MYLK4: variants seen among roughly 807,000 people sequenced by gnomAD.
The protein encoded by MYLK4 is myosin light chain kinase family member 4.
Under a neutral mutation model 48.1 loss-of-function variants are expected in MYLK4, and 46 were observed. The observed-to-expected ratio is 0.96, with a 90% CI of 0.75 to 1.22. The LOEUF (loss-of-function observed/expected upper bound fraction) is 1.22, where lower values mean the gene tolerates loss of function less well. Ranked by LOEUF, MYLK4 falls within the 50% of genes most tolerant of loss-of-function variation. MYLK4 has a pLI of 0.00. For synonymous variants in MYLK4, 170 were observed against 180.8 expected (o/e 0.94, Z 0.48); for missense variants, 451 against 486.1 (o/e 0.93, Z 0.68).
the MYLK4 span, among the ~76,000 whole-genome samples, chr6:2,759,724 A>G: frequency 6.6e-6 from 1 of 152,200 alleles, no homozygotes; most frequent in Non-Finnish European, 1.5e-5. Flanking sequence ...CCCCTCATCA[A>G]TGATGTTTTT....
chr6:2,674,981 C>T (rs1235426690), intron 11 of MYLK4, 66 bp downstream of exon 11: 23 of 1,083,712 alleles, frequency 2.1e-5, no homozygotes, highest in Non-Finnish European at 2.7e-5. Context: ...AAGATGACTC[C>T]AGCATCTGAT....
At chr6:2,747,362 C>G (rs1460957242) in intron 2 of MYLK4, among the ~76,000 whole-genome samples, 2 of 151,782 alleles carry the variant, frequency 1.3e-5, no homozygotes, top group Non-Finnish European at 2.9e-5. Context: ...TTTTTATCTT[C>G]AGAAACAGGG....
At chr6:2,765,578 G>A in the MYLK4 span, 1 of 1,432,428 alleles carries the variant, frequency 7.0e-7, no homozygotes, top group Non-Finnish European at 9.1e-7. Flanking sequence ...GCGTGCGCAC[G>A]GGTTGCTGCG....
At chr6:2,705,651 C>T (rs951590915) in intron 2 of MYLK4, among the ~76,000 whole-genome samples, 1 of 152,142 alleles carries the variant, frequency 6.6e-6, no homozygotes, top group Admixed American at 6.6e-5. Flanking sequence ...TTGTGTAAAT[C>T]AGCCATTTAT....
chr6:2,669,481 A>T (rs943456739), intron 12 of MYLK4, among the ~76,000 whole-genome samples: 2 of 152,124 alleles, frequency 1.3e-5, no homozygotes. Context: ...CAACCCTGGC[A>T]CCCAGTGAAT....
rs1043659674 is a variant in MYLK4 at position 2,664,898 on chromosome 6, T to A, written c.*3027A>T. On this transcript the variant is annotated 3_prime_UTR_variant, in exon 13 of 13. Transcript: ENST00000274643. ...CATGTGCCCTCCTCTCCCTGATTTT[T>A]AAATAGCAACAGATTCTGGGTAAGT... 4 of 152,212 alleles carry A rather than the reference T, an allele frequency of 2.6e-5. No individual in the cohort carries two copies. Among genetic ancestry groups the A allele is most frequent in the Non-Finnish European group, 5.9e-5 (4 of 68,032 alleles). The allele number at this position is 152,212 out of a possible 1,614,324, so 9.4% of individuals were successfully genotyped here. A position where few individuals can be genotyped will look rare whatever the true frequency, so the allele number is the denominator to read the frequency against.
chr6:2,693,034 G>C (rs1761874923), intron 2 of MYLK4, among the ~76,000 whole-genome samples, 175 bp from the exon 3 acceptor site: 1 of 152,150 alleles, frequency 6.6e-6, no homozygotes, highest in Non-Finnish European at 1.5e-5. Context: ...CTCCCTCCCA[G>C]TTGTGATGAC....
At chr6:2,692,724 C>A in intron 3 of MYLK4, 60 bp downstream of exon 3, 12 of 1,440,176 alleles carry the variant, frequency 8.3e-6, no homozygotes, top group East Asian at 2.6e-5. Flanking sequence ...TGAATAACAA[C>A]AGGACTTTTA....
At chr6:2,702,495 G>A (rs1435774588) in intron 2 of MYLK4, among the ~76,000 whole-genome samples, 1 of 152,152 alleles carries the variant, frequency 6.6e-6, no homozygotes, top group African/African-American at 2.4e-5. Flanking sequence ...GGGTGGGGTG[G>A]GGAAGGAAGG....
chr6:2,742,296 A>C (rs189161101), intron 2 of MYLK4, among the ~76,000 whole-genome samples: 11 of 152,294 alleles, frequency 7.2e-5, no homozygotes, highest in Admixed American at 7.2e-4. Flanking sequence ...GAACACCAAC[A>C]AGATGCCGAG....
intron 2 of MYLK4, among the ~76,000 whole-genome samples, chr6:2,698,719 A>G (rs980098441): frequency 6.6e-6 from 1 of 152,242 alleles, no homozygotes; most frequent in Non-Finnish European, 1.5e-5. Flanking sequence ...AAATATGAAA[A>G]CATTTTCTTG....
At chr6:2,721,326 G>A (rs918956705) in intron 2 of MYLK4, among the ~76,000 whole-genome samples, 16 of 152,168 alleles carry the variant, frequency 1.1e-4, no homozygotes, top group Admixed American at 2.6e-4. Flanking sequence ...CAGATGTTAT[G>A]AAAATGCATT....
rs146700839 is a variant in MYLK4 at position 2,678,366 on chromosome 6, G to T, written c.894C>A (p.Ser298Arg). The part of the protein sequence containing the change: ...SVGVIAYMLL[S>R]GLSPFLGDND... ...TGTCACCCAGGAAAGGCGACAAACC[G>T]CTAAGTCTGGAGGACACGGGGTCCA... Residue 298 changes from serine (S) to arginine (R), a missense_variant, in exon 10 of 13, where the codon AGC (serine) becomes AGA (arginine). Ser to Arg is a moderately radical substitution (Grantham distance 110, BLOSUM62 -1). Transcript: ENST00000274643. 2 of 1,613,796 alleles carry T rather than the reference G, an allele frequency of 1.2e-6. No individual in the cohort carries two copies. The highest frequency in any genetic ancestry group is 1.7e-5 in the Admixed American group (1 of 60,002).
the MYLK4 span, among the ~76,000 whole-genome samples, chr6:2,757,605 TA>T: frequency 0.16 from 23,164 of 141,054 alleles, 1,798 homozygotes; most frequent in South Asian, 0.24. Flanking sequence ...GATACTTCCA[TA>T]AAAAAAAAAA....
the MYLK4 span, among the ~76,000 whole-genome samples, chr6:2,762,682 G>A: frequency 3.3e-5 from 5 of 152,336 alleles, no homozygotes; most frequent in South Asian, 1.0e-3. Flanking sequence ...TCATTAACTT[G>A]ATGAATAAAC....
chr6:2,751,223 C>T (rs1764280034), upstream of MYLK4, among the ~76,000 whole-genome samples: 1 of 152,192 alleles, frequency 6.6e-6, no homozygotes, highest in South Asian at 2.1e-4. Context: ...TATTTAAGTG[C>T]TCATTAAATT....
At chr6:2,725,515 C>A (rs371382545) in intron 2 of MYLK4, among the ~76,000 whole-genome samples, 49 of 135,154 alleles carry the variant, frequency 3.6e-4, no homozygotes, top group African/African-American at 1.4e-3. Flanking sequence ...GAGAGAGAGA[C>A]AGAGAGAGAG....
At chr6:2,694,513 C>G (rs62389610) in intron 2 of MYLK4, among the ~76,000 whole-genome samples, 1 of 3,606 alleles carries the variant, frequency 2.8e-4, no homozygotes, top group African/African-American at 1.4e-3. Context: ...GTGGTGGTGG[C>G]GGTGGTGGTG....
chr6:2,698,884 G>A (rs1762168161), intron 2 of MYLK4, among the ~76,000 whole-genome samples: 1 of 152,174 alleles, frequency 6.6e-6, no homozygotes, highest in Non-Finnish European at 1.5e-5. Flanking sequence ...CTGTTTCATG[G>A]TCTGTGGGGA....
Sources: allele counts gnomAD v4.1 joint callset (sites outside exome capture counted in the v4.1 genomes callset), GRCh38; gene constraint gnomAD v4.1.1; transcripts MANE v1.5; gene names NCBI Gene and HGNC (gene_info 2026-07-23, HGNC 2026-07-21).